The following GCA variants were observed in gnomAD, a reference collection of about 807,000 sequenced individuals.
GCA encodes the protein grancalcin.
A neutral mutation model predicts 32.6 loss-of-function variants in GCA; 30 were observed. The observed-to-expected ratio is 0.92, with a 90% CI of 0.69 to 1.25. The LOEUF (loss-of-function observed/expected upper bound fraction) is 1.25, where lower values mean the gene tolerates loss of function less well. Among genes scored for constraint, GCA ranks in the 50% most tolerant of loss-of-function variants. GCA has a pLI of 0.00. For synonymous variants in GCA, 102 were observed against 84.6 expected (o/e 1.21, Z -1.13); for missense variants, 291 against 266.8 (o/e 1.09, Z -0.63).
intron 4 of GCA, among the ~76,000 whole-genome samples, chr2:162,369,423 T>C (rs542529297): frequency 6.6e-6 from 1 of 152,244 alleles, no homozygotes; most frequent in East Asian, 1.9e-4. Context: ...AAGATTTTAA[T>C]ATAAGCAATG....
At chr2:162,364,031 T>C (rs184498823), downstream of GCA, among the ~76,000 whole-genome samples, 21 of 151,660 alleles carry the variant, frequency 1.4e-4, no homozygotes, top group Middle Eastern at 3.4e-3. Flanking sequence ...TTGCAAAGCT[T>C]ACCGGGAGTG....
At chr2:162,363,589 C>T (rs527640230), downstream of GCA, among the ~76,000 whole-genome samples, 6 of 151,434 alleles carry the variant, frequency 4.0e-5, no homozygotes, top group South Asian at 1.2e-3. Context: ...ATATATTAAA[C>T]TTTTCCTGTA....
At chr2:162,321,541 T>C (rs1426767282) in intron 1 of GCA, among the ~76,000 whole-genome samples, 1 of 152,040 alleles carries the variant, frequency 6.6e-6, no homozygotes, top group African/African-American at 2.4e-5. Context: ...GAGCCTGCTT[T>C]GTGTAATTTA....
At chr2:162,371,187 A>C in intron 4 of GCA, 1 of 371,728 alleles carries the variant, frequency 2.7e-6, no homozygotes, top group South Asian at 2.1e-5. Flanking sequence ...GCAATTGGTG[A>C]CATAATTTTA....
intron 1 of GCA, chr2:162,344,631 T>C (rs4141559): frequency 1.3e-4 from 49 of 364,550 alleles, no homozygotes; most frequent in East Asian, 1.1e-3. Flanking sequence ...TCAGTGTTGC[T>C]AGAGATCCTC....
chr2:162,356,734 T>C, intron 4 of GCA, 24 bp from the exon 5 acceptor site: 1 of 1,564,894 alleles, frequency 6.4e-7, no homozygotes, highest in African/African-American at 1.4e-5. Context: ...TATCAGAATT[T>C]ATTTTTGTTA....
intron 1 of GCA, among the ~76,000 whole-genome samples, chr2:162,347,296 T>C (rs1432955141): frequency 1.3e-5 from 2 of 152,202 alleles, no homozygotes; most frequent in African/African-American, 4.8e-5. Context: ...GTAAACATTT[T>C]TTAAAATTGT....
chr2:162,352,844 C>A (rs1685071075), intron 3 of GCA, among the ~76,000 whole-genome samples: 1 of 152,112 alleles, frequency 6.6e-6, no homozygotes, highest in African/African-American at 2.4e-5. Context: ...TATATAGTAA[C>A]TTTTGTTAGG....
At chr2:162,337,826 A>G (rs1684318341) in intron 1 of GCA, among the ~76,000 whole-genome samples, 1 of 152,146 alleles carries the variant, frequency 6.6e-6, no homozygotes. Context: ...TAAAGGCTCT[A>G]AGAATGGGAC....
rs192001353 is a variant in GCA, at chr2:162,345,724, A to G, written c.27+1449A>G. Among the ~76,000 whole-genome samples the G allele has an allele frequency of 4.9e-4, 74 of 152,356 alleles. 2 individuals carry two copies. The highest frequency in any genetic ancestry group is 1.7e-3 in the African/African-American group (70 of 41,590). Reference sequence around the variant, plus strand: ...GTACCCTCAATAGCTGAAGCAATATATAGATTAGAGGCACTGATTTTAAAA... The same window carrying G: ...GTACCCTCAATAGCTGAAGCAATATGTAGATTAGAGGCACTGATTTTAAAA... On this transcript the variant is annotated intron_variant, in intron 1 of 7. Coordinates refer to ENST00000437150, the MANE Select transcript of GCA (RefSeq NM_012198.5).
intron 3 of GCA, among the ~76,000 whole-genome samples, chr2:162,354,811 C>T (rs1685182971): frequency 6.6e-6 from 1 of 152,084 alleles, no homozygotes; most frequent in African/African-American, 2.4e-5. Flanking sequence ...AAGTTTTATG[C>T]CTTAAATCAG....
chr2:162,332,354 T>A (rs1355076246), intron 1 of GCA, among the ~76,000 whole-genome samples: 1 of 146,414 alleles, frequency 6.8e-6, no homozygotes, highest in African/African-American at 2.5e-5. Flanking sequence ...ATAATATTAT[T>A]TATATATTAT....
upstream of GCA, among the ~76,000 whole-genome samples, chr2:162,343,785 G>T (rs1291124808): frequency 1.3e-5 from 2 of 152,246 alleles, no homozygotes; most frequent in Non-Finnish European, 2.9e-5. Flanking sequence ...ATAAGTCACA[G>T]ACTTGCCGGT....
intron 1 of GCA, among the ~76,000 whole-genome samples, chr2:162,325,066 T>C (rs1272980684): frequency 6.6e-6 from 1 of 152,170 alleles, no homozygotes; most frequent in Non-Finnish European, 1.5e-5. Flanking sequence ...AGAAAGAATT[T>C]GGTGCCAAAG....
chr2:162,359,515 A>G lies in GCA; in HGVS notation c.590A>G (p.His197Arg), dbSNP rs2105351674. 2 of 1,536,708 alleles carry G rather than the reference A, an allele frequency of 1.3e-6. No individual in the cohort carries two copies. The highest frequency in any genetic ancestry group is 1.2e-5 in the South Asian group (1 of 84,884). Residue 197 changes from histidine to arginine, a missense_variant, in exon 7 of 8, where the codon CAC (histidine) becomes CGC (arginine). By Grantham distance (29) the His-to-Arg change is conservative. Coordinates refer to ENST00000437150, the MANE Select transcript of GCA (RefSeq NM_012198.5). ...ALTDFFRKRDHLQQGSANFIY... is the reference protein window; with the variant it reads ...ALTDFFRKRDRLQQGSANFIY... ...AAAGATTTCTTTAGGAAAAGAGACC[A>G]CTTGCAACAAGGGTCTGCGAATTTC...
Position 162,360,850 on chromosome 2 carries a change from T to A in GCA, c.*607T>A. On this transcript the variant is annotated 3_prime_UTR_variant, in exon 8 of 8. Coordinates refer to ENST00000437150, the MANE Select transcript of GCA (RefSeq NM_012198.5). Reference sequence around the variant, plus strand: ...GAAGGCATTGTTTTTTCCTTTTTTATTTTTTGTATTATATATTTTTCTTAA... The same window carrying A: ...GAAGGCATTGTTTTTTCCTTTTTTAATTTTTGTATTATATATTTTTCTTAA... The A allele has an allele frequency of 1.7e-6, 2 of 1,158,052 alleles. No individual in the cohort carries two copies. Among genetic ancestry groups the A allele is most frequent in the Non-Finnish European group, 2.2e-6 (2 of 917,134 alleles). The allele number at this position is 1,158,052 out of a possible 1,614,324, so 71.7% of individuals were successfully genotyped here.
rs994757145 is a variant in GCA, at chr2:162,332,585, A to G, written c.-31+13360A>G. ...AAGGATTTTTGCATAACTCATGCCTACTAACAAGGCCCATAGCAGGGCTTC... is the reference window on the plus strand; with the variant it reads ...AAGGATTTTTGCATAACTCATGCCTGCTAACAAGGCCCATAGCAGGGCTTC... On this transcript the variant is annotated intron_variant, in intron 1 of 4. Transcript: ENST00000429691. Among the ~76,000 whole-genome samples the G allele has an allele frequency of 5.3e-5, 8 of 152,118 alleles. 1 individual carries two copies. Among genetic ancestry groups the G allele is most frequent in the African/African-American group, 1.7e-4 (7 of 41,436 alleles).
intron 1 of GCA, among the ~76,000 whole-genome samples, chr2:162,321,899 T>G (rs1309179911): frequency 1.1e-5 from 1 of 90,144 alleles, no homozygotes; most frequent in Non-Finnish European, 2.2e-5. Flanking sequence ...TATATATATA[T>G]ATATATATAT....
chr2:162,372,364 A>G (rs1329426449), downstream of GCA, among the ~76,000 whole-genome samples: 1 of 152,140 alleles, frequency 6.6e-6, no homozygotes, highest in African/African-American at 2.4e-5. Context: ...ATTATTTTAC[A>G]TTGAGTTTTC....
Sources: allele counts gnomAD v4.1 joint callset (sites outside exome capture counted in the v4.1 genomes callset), GRCh38; gene constraint gnomAD v4.1.1; transcripts MANE v1.5; gene names NCBI Gene and HGNC (gene_info 2026-07-23, HGNC 2026-07-21).